ATG10: variants seen among roughly 807,000 people sequenced by gnomAD.
ATG10 encodes the protein ubiquitin-like-conjugating enzyme ATG10.
Under a neutral mutation model 32.1 loss-of-function variants are expected in ATG10, and 30 were observed. The observed-to-expected ratio is 0.94, with a 90% confidence interval of 0.70 to 1.27. The LOEUF is 1.27. Ranked by LOEUF, ATG10 falls within the 50% of genes most tolerant of loss-of-function variation. The pLI is 0.00. For missense variants in ATG10, 233 were observed against 262.3 expected, an observed-to-expected ratio of 0.89 and a Z score of 0.77; for synonymous variants, 87 against 91.5, an observed-to-expected ratio of 0.95 and a Z score of 0.28.
intron 3 of ATG10, among the ~76,000 whole-genome samples, chr5:82,074,744 T>G (rs1764222335): frequency 6.6e-6 from 1 of 152,206 alleles, no homozygotes; most frequent in Admixed American, 6.5e-5. Flanking sequence ...TTGCACTTAA[T>G]TTTTATGCCA....
chr5:82,059,745 A>G lies in ATG10; in HGVS notation c.216+1143A>G, dbSNP rs764624881. Among the ~76,000 whole-genome samples, 4 of 152,236 alleles carry G rather than the reference A, an allele frequency of 2.6e-5. 1 individual carries two copies. In the South Asian group the frequency reaches 6.2e-4, roughly 24 times the overall value. ...ATCAGACATCAGCCCCCTTGCCTGT[A>G]TATGATGCTGGCCTGCAAGTAACTT... On this transcript the variant is annotated intron_variant, in intron 3 of 7. Transcript: ENST00000282185.
In ATG10 at chr5:82,178,451, A is replaced by G. The variant is rs186120308; in HGVS notation, c.356-39A>G. The G allele has an allele frequency of 1.8e-5, 22 of 1,257,108 alleles. No individual in the cohort carries two copies. In the Admixed American group the frequency reaches 1.9e-4, roughly 11 times the overall value. 77.9% of individuals were successfully genotyped at this position (1,257,108 alleles called of 1,614,324 possible). On this transcript the variant is annotated intron_variant, in intron 4 of 7. Transcript: ENST00000282185. ...TTGACACCAAGCACCATTGTGTCAC[A>G]TGAATTACTAACTCAGTCTTTACCA...
intron 3 of ATG10, among the ~76,000 whole-genome samples, chr5:82,088,167 T>C (rs1354615257): frequency 6.6e-6 from 1 of 152,130 alleles, no homozygotes; most frequent in Non-Finnish European, 1.5e-5. Context: ...AATTTTGGGA[T>C]CTACCACTCA....
chr5:82,120,797 C>T (rs991247103), intron 3 of ATG10, among the ~76,000 whole-genome samples: 5 of 152,002 alleles, frequency 3.3e-5, no homozygotes, highest in Non-Finnish European at 7.4e-5. Flanking sequence ...ACTGTTATTG[C>T]TTAGCCAAGA....
At chr5:82,135,343 C>A (rs1041534689) in intron 3 of ATG10, among the ~76,000 whole-genome samples, 1 of 152,172 alleles carries the variant, frequency 6.6e-6, no homozygotes, top group African/African-American at 2.4e-5. Flanking sequence ...ATCTTTCCTG[C>A]TTTCTTCTGT....
chr5:82,047,157 C>T (rs998422146), intron 2 of ATG10, among the ~76,000 whole-genome samples: 3 of 152,054 alleles, frequency 2.0e-5, no homozygotes, highest in South Asian at 4.2e-4. Context: ...ATGTCCCCTC[C>T]GATCAGTTAT....
intron 3 of ATG10, among the ~76,000 whole-genome samples, chr5:82,097,310 T>C (rs1194241446): frequency 6.6e-6 from 1 of 152,178 alleles, no homozygotes; most frequent in Admixed American, 6.5e-5. Context: ...AGATCAAAGG[T>C]CACAGAATTA....
chr5:82,173,615 T>C (rs1743887267), intron 4 of ATG10, among the ~76,000 whole-genome samples: 1 of 152,188 alleles, frequency 6.6e-6, no homozygotes, highest in African/African-American at 2.4e-5. Context: ...ACTACTGAAA[T>C]TATTTTGGCT....
intron 3 of ATG10, among the ~76,000 whole-genome samples, chr5:82,125,025 T>C (rs1244509903): frequency 2.0e-5 from 3 of 152,364 alleles, no homozygotes; most frequent in East Asian, 1.9e-4. Context: ...TTGATTTGCA[T>C]TTCTCTAAAG....
chr5:82,169,523 G>A (rs1743721350), intron 4 of ATG10, among the ~76,000 whole-genome samples: 1 of 145,550 alleles, frequency 6.9e-6, no homozygotes, highest in East Asian at 2.3e-4. Context: ...GATTAGAGAA[G>A]TATTTTAAGA....
At chr5:81,990,961 G>A (rs1761435253) in intron 2 of ATG10, among the ~76,000 whole-genome samples, 1 of 152,236 alleles carries the variant, frequency 6.6e-6, no homozygotes. Context: ...AGGACCAAAC[G>A]AAACATGTCA....
intron 2 of ATG10, among the ~76,000 whole-genome samples, chr5:82,038,661 A>G (rs541362118): frequency 3.9e-5 from 6 of 152,182 alleles, no homozygotes; most frequent in Non-Finnish European, 8.8e-5. Context: ...CAGAAGCTAT[A>G]TTCTAACATT....
chr5:82,116,987 C>T (rs1269089859), intron 3 of ATG10, among the ~76,000 whole-genome samples: 1 of 152,062 alleles, frequency 6.6e-6, no homozygotes, highest in Admixed American at 6.6e-5. Flanking sequence ...GCAACAGGCT[C>T]CCAAAGTCAA....
At chr5:81,983,235 A>ACCC (rs761540035) in intron 1 of ATG10, among the ~76,000 whole-genome samples, 6 of 75,994 alleles carry the variant, frequency 7.9e-5, no homozygotes, top group South Asian at 4.9e-4. Flanking sequence ...CTGGGGGCTG[A>ACCC]CCCCCCCCCC....
intron 2 of ATG10, among the ~76,000 whole-genome samples, chr5:82,016,825 A>G (rs1490597226): frequency 6.6e-6 from 1 of 151,802 alleles, no homozygotes; most frequent in African/African-American, 2.4e-5. Flanking sequence ...AGTAGCTGGG[A>G]CTGTAGGCGC....
intron 2 of ATG10, among the ~76,000 whole-genome samples, chr5:82,007,539 G>A (rs140473838): frequency 8.2e-4 from 125 of 152,130 alleles, no homozygotes; most frequent in East Asian, 3.9e-3. Context: ...TGCAGTCTCC[G>A]CCTACTGGGC....
intron 3 of ATG10, among the ~76,000 whole-genome samples, chr5:82,072,778 A>T (rs1194859214): frequency 1.3e-5 from 2 of 152,222 alleles, no homozygotes; most frequent in Non-Finnish European, 2.9e-5. Context: ...AAGATGATGT[A>T]GTTTAGTGTT....
chr5:82,013,469 T>G (rs1353858372), intron 2 of ATG10, among the ~76,000 whole-genome samples: 3 of 152,222 alleles, frequency 2.0e-5, no homozygotes, highest in Non-Finnish European at 4.4e-5. Context: ...TGTGCTGCTT[T>G]GAGGGTGTGT....
At chr5:82,228,275 A>G (rs1746216971) in intron 5 of ATG10, among the ~76,000 whole-genome samples, 1 of 152,066 alleles carries the variant, frequency 6.6e-6, no homozygotes, top group Admixed American at 6.6e-5. Context: ...CCATTAACTC[A>G]TGATTTCCAA....
Sources: gnomAD v4.1 joint callset for allele counts (sites outside exome capture counted in the v4.1 genomes callset) on GRCh38, gnomAD v4.1.1 for gene constraint, MANE v1.5 for transcripts, NCBI Gene and HGNC (gene_info 2026-07-23, HGNC 2026-07-21) for gene names.